Variants in ST8SIA6 observed in about 807,000 individuals in gnomAD.
ST8SIA6 encodes the protein ST8 alpha-N-acetyl-neuraminide alpha-2,8-sialyltransferase 6, also known as alpha-2,8-sialyltransferase 8F.
ST8SIA6 carries 39 observed loss-of-function variants against 33.6 expected under a neutral mutation model. The observed-to-expected ratio is 1.16, with a 90% CI of 0.90 to 1.52. The LOEUF is 1.52. ST8SIA6 is among the 40% of genes most tolerant of loss of function. ST8SIA6 has a pLI of 0.00. For synonymous variants in ST8SIA6, 172 were observed against 167.2 expected, an observed-to-expected ratio of 1.03 and a Z score of -0.22; for missense variants, 441 against 443.8, an observed-to-expected ratio of 0.99 and a Z score of 0.06.
At chr10:17,400,729 G>A (rs1178360499) in intron 2 of ST8SIA6, among the ~76,000 whole-genome samples, 1 of 152,252 alleles carries the variant, frequency 6.6e-6, no homozygotes, top group South Asian at 2.1e-4. Flanking sequence ...AAATTCAACA[G>A]CCCTTCATGC....
At chr10:17,422,128 A>T (rs1012217749) in intron 2 of ST8SIA6, among the ~76,000 whole-genome samples, 1 of 152,320 alleles carries the variant, frequency 6.6e-6, no homozygotes, top group East Asian at 1.9e-4. Context: ...TTTAATCAAG[A>T]GAACAATCTT....
rs1441336778 is a variant in ST8SIA6 at position 17,403,288 on chromosome 10, AGGAAATGGTGT to A, written c.201-12679_201-12669del. On this transcript the variant is annotated intron_variant, in intron 2 of 7. Transcript: ENST00000377602. ...AGTGTGCAAAAGTGGGACCCTAATT[AGGAAATGGTGT>A]CTTTAGGCGAGTAGAGAGAAAATAA... 1.1e-4 allele frequency among the ~76,000 whole-genome samples: 16 copies of A among 152,346 alleles called. No individual in the cohort carries two copies. In the East Asian group the frequency reaches 3.1e-3, roughly 29 times the overall value.
At chr10:17,323,661 A>G (rs1266084831) in intron 6 of ST8SIA6, among the ~76,000 whole-genome samples, 3 of 152,184 alleles carry the variant, frequency 2.0e-5, no homozygotes, top group Non-Finnish European at 4.4e-5. Context: ...CTGGGATTAC[A>G]GGTGTGAGCC....
At chr10:17,394,988 TG>T (rs1850756167) in intron 2 of ST8SIA6, among the ~76,000 whole-genome samples, 1 of 152,186 alleles carries the variant, frequency 6.6e-6, no homozygotes, top group Non-Finnish European at 1.5e-5. Flanking sequence ...GGTTTGGCTG[TG>T]TCCCCACCCA....
chr10:17,322,944 A>G, intron 7 of ST8SIA6, 121 bp downstream of exon 7: 1 of 851,704 alleles, frequency 1.2e-6, no homozygotes, highest in East Asian at 2.7e-5. Flanking sequence ...ATATTTTTCC[A>G]AAAACTCATT....
chr10:17,392,669 AAGTT>A (rs1440592936), intron 2 of ST8SIA6, among the ~76,000 whole-genome samples: 1 of 152,130 alleles, frequency 6.6e-6, no homozygotes, highest in Non-Finnish European at 1.5e-5. Context: ...GGAAGTGAAA[AAGTT>A]AGGAGGTTTC....
intron 2 of ST8SIA6, among the ~76,000 whole-genome samples, chr10:17,395,558 T>A (rs772546375): frequency 1.5e-4 from 23 of 152,182 alleles, no homozygotes; most frequent in African/African-American, 2.7e-4. Flanking sequence ...AAAATTTTTT[T>A]AATTTTATTC....
intron 4 of ST8SIA6, among the ~76,000 whole-genome samples, chr10:17,336,554 T>C (rs1396989524): frequency 6.6e-6 from 1 of 151,808 alleles, no homozygotes; most frequent in Non-Finnish European, 1.5e-5. Flanking sequence ...GATTCGTTTT[T>C]CCTGTTCTAG....
rs35428636 is a variant in ST8SIA6, at chr10:17,361,517, AACACACACACACAC to A, written c.291-1931_291-1918del. ...TTTGTAATTAAAATTCTTCCTACAA[AACACACACACACAC>A]ACACACACACACACACACACGGCCC... On this transcript the variant is annotated intron_variant, in intron 3 of 7. Coordinates refer to ENST00000377602, the MANE Select transcript of ST8SIA6 (RefSeq NM_001004470.3). 5.5e-5 allele frequency among the ~76,000 whole-genome samples: 8 copies of A among 146,198 alleles called. No homozygotes were observed. In the East Asian group the frequency reaches 8.0e-4, roughly 15 times the overall value.
intron 2 of ST8SIA6, among the ~76,000 whole-genome samples, chr10:17,430,907 T>C (rs1349521317): frequency 6.6e-6 from 1 of 152,168 alleles, no homozygotes; most frequent in African/African-American, 2.4e-5. Flanking sequence ...CAGTGTGATC[T>C]GGGGCTCCCT....
chr10:17,395,555 T>A (rs999909226), intron 2 of ST8SIA6, among the ~76,000 whole-genome samples: 1 of 152,142 alleles, frequency 6.6e-6, no homozygotes, highest in Non-Finnish European at 1.5e-5. Flanking sequence ...AAAAAAATTT[T>A]TTTAATTTTA....
At chr10:17,326,968 C>T (rs924077238) in intron 6 of ST8SIA6, 46 bp downstream of exon 6, 7 of 1,351,758 alleles carry the variant, frequency 5.2e-6, no homozygotes, top group Non-Finnish European at 7.2e-6. Context: ...CTCTGAAATA[C>T]CCAACTGATC....
At chr10:17,428,235 T>G (rs111386416) in intron 2 of ST8SIA6, among the ~76,000 whole-genome samples, 2,052 of 152,306 alleles carry the variant, frequency 0.013, 26 homozygotes, top group Non-Finnish European at 0.022. Flanking sequence ...AGCACCCAGC[T>G]GGGTGTGTCC....
At chr10:17,429,080 G>T (rs1187277220) in intron 2 of ST8SIA6, among the ~76,000 whole-genome samples, 1 of 151,808 alleles carries the variant, frequency 6.6e-6, no homozygotes, top group East Asian at 1.9e-4. Context: ...CTTGTGTTTC[G>T]TTCTGTAGTG....
rs562356760 is a variant in ST8SIA6 at position 17,326,977 on chromosome 10, T to C, written c.635+37A>G. The C allele has an allele frequency of 3.1e-5, 44 of 1,428,690 alleles. No individual in the cohort carries two copies. In the South Asian group the frequency reaches 4.9e-4, roughly 16 times the overall value. 88.5% of individuals were successfully genotyped at this position (1,428,690 alleles called of 1,614,324 possible). A position where few individuals can be genotyped will look rare whatever the true frequency, so the allele number is the denominator to read the frequency against. ...ATCCCCCTCTGAAATACCCAACTGA[T>C]CTATTGTTTCAAAGAAACCAATTTG... On this transcript the variant is annotated intron_variant, in intron 6 of 7. Coordinates refer to ENST00000377602, the MANE Select transcript of ST8SIA6 (RefSeq NM_001004470.3).
At chr10:17,355,502 G>A (rs1849163378) in intron 4 of ST8SIA6, among the ~76,000 whole-genome samples, 1 of 152,132 alleles carries the variant, frequency 6.6e-6, no homozygotes, top group African/African-American at 2.4e-5. Flanking sequence ...TCCCCAAAGG[G>A]CTCATAGTCA....
At chr10:17,328,231 A>G (rs1848194614) in intron 5 of ST8SIA6, among the ~76,000 whole-genome samples, 2 of 152,144 alleles carry the variant, frequency 1.3e-5, no homozygotes, top group Admixed American at 6.5e-5. Flanking sequence ...AAATAGTTAG[A>G]CCTTCAGGCT....
intron 5 of ST8SIA6, among the ~76,000 whole-genome samples, chr10:17,329,194 G>C (rs1848224484): frequency 6.6e-6 from 1 of 152,132 alleles, no homozygotes; most frequent in African/African-American, 2.4e-5. Context: ...TTTTATGCAA[G>C]AGGCACTATT....
At chr10:17,427,390 T>C (rs1449774801) in intron 2 of ST8SIA6, among the ~76,000 whole-genome samples, 2 of 152,204 alleles carry the variant, frequency 1.3e-5, no homozygotes, top group Non-Finnish European at 2.9e-5. Context: ...CACTTGGCTC[T>C]AGGCCAAGGT....
Sources: allele counts gnomAD v4.1 joint callset (sites outside exome capture counted in the v4.1 genomes callset), GRCh38; gene constraint gnomAD v4.1.1; transcripts MANE v1.5; gene names NCBI Gene and HGNC (gene_info 2026-07-23, HGNC 2026-07-21).